AXIN2: variants seen among roughly 807,000 people sequenced by gnomAD.
AXIN2 encodes the protein axin-2.
A neutral mutation model predicts 74.7 loss-of-function variants in AXIN2; 21 were observed. The ratio of observed to expected loss-of-function variants is 0.28; its 90% confidence interval spans 0.20 to 0.40. The LOEUF (loss-of-function observed/expected upper bound fraction) is 0.40, where lower values mean the gene tolerates loss of function less well. Ranked by LOEUF, AXIN2 falls within the 10% of genes least tolerant of loss-of-function variation. The pLI is 1.00. For synonymous variants in AXIN2, 532 were observed against 454.9 expected (o/e 1.17, Z -2.16); for missense variants, 1,144 against 1,111.1 (o/e 1.03, Z -0.42).
chr17:65,535,075 G>A (rs2043885673), intron 9 of AXIN2, among the ~76,000 whole-genome samples: 1 of 152,216 alleles, frequency 6.6e-6, no homozygotes, highest in Non-Finnish European at 1.5e-5. Context: ...CACTAAGAAA[G>A]AAAACTTGAT....
At chr17:65,561,070 A>T (rs1323675392) in intron 1 of AXIN2, 1 of 148,072 alleles carries the variant, frequency 6.8e-6, no homozygotes, top group Non-Finnish European at 1.5e-5. Flanking sequence ...TATGCAAAAG[A>T]TCCGAGCGGG....
intron 3 of AXIN2, among the ~76,000 whole-genome samples, chr17:65,547,344 G>T (rs2044132559): frequency 6.6e-6 from 1 of 152,244 alleles, no homozygotes; most frequent in Admixed American, 6.5e-5. Context: ...GAACGCTCAT[G>T]CCTGGGGGAA....
At chr17:65,561,129 A>T (rs1401330780) in intron 1 of AXIN2, 2 of 149,802 alleles carry the variant, frequency 1.3e-5, no homozygotes, top group Non-Finnish European at 3.0e-5. Flanking sequence ...TGTTTCCAGC[A>T]GTCACTCGGC....
At chr17:65,533,295 C>T (rs2043854519) in intron 10 of AXIN2, among the ~76,000 whole-genome samples, 1 of 152,214 alleles carries the variant, frequency 6.6e-6, no homozygotes. Flanking sequence ...CACCCTGTGC[C>T]CACCCGCAGG....
In AXIN2 at chr17:65,537,752, G is replaced by A. The variant is rs750126379; in HGVS notation, c.1284C>T (p.Ser428=). The A allele has an allele frequency of 3.8e-6, 6 of 1,577,746 alleles. No individual in the cohort carries two copies. The highest frequency in any genetic ancestry group is 2.3e-5 in the East Asian group (1 of 42,900). The part of the protein sequence containing the change: ...PTQHPLSLLP[S]GSYEEDPQTI... ...TCTGCGGGTCTTCCTCGTAGCTGCC[G>A]GAGGGCAGTAGGGAGAGGGGGTGCT... The change falls in exon 6 of 11, where the codon TCC becomes TCT. Residue 428 remains serine (S), a synonymous_variant. Coordinates refer to ENST00000307078, the MANE Select transcript of AXIN2 (RefSeq NM_004655.4).
At chr17:65,531,225 G>A (rs1044228535) in intron 10 of AXIN2, among the ~76,000 whole-genome samples, 1 of 151,822 alleles carries the variant, frequency 6.6e-6, no homozygotes, top group Admixed American at 6.6e-5. Flanking sequence ...CCCTTGGTTA[G>A]AGCTCAATTT....
At chr17:65,544,567 AG>A (rs1188466999) in intron 3 of AXIN2, among the ~76,000 whole-genome samples, 1 of 152,202 alleles carries the variant, frequency 6.6e-6, no homozygotes, top group Non-Finnish European at 1.5e-5. Flanking sequence ...CTTCCAAAAC[AG>A]CCCCTCATTC....
rs979482699 is a variant in AXIN2, at chr17:65,558,655, T to G, written c.-35A>C. 21 of 1,591,050 alleles carry G rather than the reference T, an allele frequency of 1.3e-5. No individual in the cohort carries two copies. The highest frequency in any genetic ancestry group is 2.7e-5 in the African/African-American group (2 of 74,670). ...GCTCTTCCCACTGAGTCTGGGAATT[T>G]TTCTTCTTCCAGTTCCTCTCAGCAA... is the stretch of plus-strand genomic sequence containing the variant. On this transcript the variant is annotated 5_prime_UTR_variant, in exon 2 of 11. Transcript: ENST00000307078.
intron 2 of AXIN2, among the ~76,000 whole-genome samples, chr17:65,554,649 G>A (rs1488564807): frequency 6.6e-6 from 1 of 152,194 alleles, no homozygotes; most frequent in Non-Finnish European, 1.5e-5. Context: ...CCTCATCAGC[G>A]AGTTCTTTCA....
chr17:65,536,964 C>T lies in AXIN2; in HGVS notation c.1812G>A (p.Gly604=), dbSNP rs1555577413. The T allele has an allele frequency of 6.2e-7, 1 of 1,613,208 alleles. No individual in the cohort carries two copies. The highest frequency in any genetic ancestry group is 8.5e-7 in the Non-Finnish European group (1 of 1,179,938). ...CTTCCTCCCGGGGAAGCTGCAGGGCCCCAGCTCCGCCGGGGGCCCCTCCTT... is the reference window on the plus strand; with the variant it reads ...CTTCCTCCCGGGGAAGCTGCAGGGCTCCAGCTCCGCCGGGGGCCCCTCCTT... ...AREGGAPGGA[G]ALQLPREEGD... Residue 604 remains glycine, a synonymous_variant, in exon 7 of 11, where the codon GGG becomes GGA. Coordinates refer to ENST00000307078, the MANE Select transcript of AXIN2 (RefSeq NM_004655.4).
intron 4 of AXIN2, 47 bp downstream of exon 4, chr17:65,541,406 ACT>A (rs553569647): frequency 1.3e-6 from 2 of 1,511,484 alleles, no homozygotes; most frequent in South Asian, 2.2e-5. Context: ...TTTCTTTAGG[ACT>A]CAACATGGCA....
chr17:65,531,246 T>C (rs2043810731), intron 10 of AXIN2, among the ~76,000 whole-genome samples: 1 of 152,144 alleles, frequency 6.6e-6, no homozygotes, highest in African/African-American at 2.4e-5. Flanking sequence ...TTTCCCTCTT[T>C]AATAAAGGCA....
In AXIN2 at chr17:65,529,821, G is replaced by C; in HGVS notation, c.*155C>G. 1 of 1,187,828 alleles carries C rather than the reference G, an allele frequency of 8.4e-7. No homozygotes were observed. The highest frequency in any genetic ancestry group is 1.5e-5 in the African/African-American group (1 of 65,996). 73.6% of individuals were successfully genotyped at this position (1,187,828 alleles called of 1,614,324 possible). On this transcript the variant is annotated 3_prime_UTR_variant, in exon 11 of 11. Coordinates refer to ENST00000307078, the MANE Select transcript of AXIN2 (RefSeq NM_004655.4). ...GAATCATGAAAATCAACCTCCCCCC[G>C]CCCTCCCGAAGGCCCACTGGCCGAT...
intron 10 of AXIN2, among the ~76,000 whole-genome samples, chr17:65,530,586 G>T (rs1234320996): frequency 3.3e-5 from 5 of 152,210 alleles, no homozygotes; most frequent in Non-Finnish European, 7.3e-5. Context: ...GCCGAAGTCT[G>T]TAAAAGGCTG....
At chr17:65,552,406 A>G (rs2044206608) in intron 2 of AXIN2, among the ~76,000 whole-genome samples, 1 of 152,240 alleles carries the variant, frequency 6.6e-6, no homozygotes, top group South Asian at 2.1e-4. Context: ...TGCGTAAGTA[A>G]GGCGTGGATA....
intron 2 of AXIN2, among the ~76,000 whole-genome samples, chr17:65,555,848 C>T (rs982369269): frequency 2.6e-5 from 4 of 152,044 alleles, no homozygotes; most frequent in African/African-American, 9.7e-5. Context: ...CTTAAATTCT[C>T]TTTAAATATG....
intron 7 of AXIN2, 149 bp downstream of exon 7, chr17:65,536,720 G>T: frequency 7.1e-7 from 1 of 1,409,876 alleles, no homozygotes; most frequent in Admixed American, 1.7e-5. Context: ...CATTTTTGTG[G>T]TCTGCTCAGT....
intron 10 of AXIN2, among the ~76,000 whole-genome samples, chr17:65,532,795 A>G (rs1484853915): frequency 6.6e-6 from 1 of 152,242 alleles, no homozygotes; most frequent in Non-Finnish European, 1.5e-5. Flanking sequence ...ACGGGTTCAC[A>G]CCTGGGAATA....
At chr17:65,550,528 G>T (rs2044176816) in intron 2 of AXIN2, among the ~76,000 whole-genome samples, 1 of 152,162 alleles carries the variant, frequency 6.6e-6, no homozygotes, top group Non-Finnish European at 1.5e-5. Flanking sequence ...GGCTTAAGTA[G>T]CGGGGAGGGG....
Sources: gnomAD v4.1 joint callset for allele counts (sites outside exome capture counted in the v4.1 genomes callset) on GRCh38, gnomAD v4.1.1 for gene constraint, MANE v1.5 for transcripts, NCBI Gene and HGNC (gene_info 2026-07-23, HGNC 2026-07-21) for gene names.